Variants in CCDC136 observed in about 807,000 individuals in gnomAD.
CCDC136 encodes coiled-coil domain-containing protein 136.
A neutral mutation model predicts 141.2 loss-of-function variants in CCDC136; 100 were observed. The observed-to-expected ratio is 0.71, with a 90% confidence interval of 0.60 to 0.84. The LOEUF (loss-of-function observed/expected upper bound fraction) is 0.84. Ranked by LOEUF, CCDC136 falls within the 40% of genes least tolerant of loss-of-function variation. CCDC136 has a pLI of 0.00. For missense variants in CCDC136, 1,206 were observed against 1,379.4 expected (o/e 0.87, Z 1.99); for synonymous variants, 474 against 531.9 (o/e 0.89, Z 1.50).
rs772886060 is a variant in CCDC136, at chr7:128,815,687, AAG to A, written c.3122_3123del (p.Glu1041GlyfsTer20). 123 of 1,555,846 alleles carry A rather than the reference AAG, an allele frequency of 7.9e-5. 1 individual carries two copies. The highest frequency in any genetic ancestry group is 4.2e-5 in the Non-Finnish European group (48 of 1,149,410). ...GGACTAGCAAAAGAGGAGGAAAAGA[AAG>A]AGGAGATGGAGGAGGAAAAAAAGCA... On this transcript the variant is annotated frameshift_variant, in exon 16 of 18. Transcript: ENST00000297788. LOFTEE classifies it high-confidence loss of function.
At position 128,821,997 on chromosome 7, in the gene CCDC136, A is replaced by T; in HGVS notation, c.*204A>T. ...GACACACTGTGCCAGAACCCTCCCC[A>T]TATGTTCCATGTGTCCCCATCTCCT... is the stretch of plus-strand genomic sequence containing the variant. On this transcript the variant is annotated 3_prime_UTR_variant, in exon 18 of 18. Coordinates refer to ENST00000297788, the MANE Select transcript of CCDC136 (RefSeq NM_022742.5). The surrounding 1 kb of genome is among the most constrained non-coding windows in gnomAD (Gnocchi z 5.1). 5.5e-6 allele frequency: 7 copies of T among 1,264,988 alleles called. No individual in the cohort carries two copies. The highest frequency in any genetic ancestry group is 2.6e-5 in the South Asian group (2 of 78,420). 78.4% of individuals were successfully genotyped at this position (1,264,988 alleles called of 1,614,324 possible). A position where few individuals can be genotyped will look rare whatever the true frequency, so the allele number is the denominator to read the frequency against.
intron 16 of CCDC136, 28 bp downstream of exon 16, chr7:128,815,959 T>C: frequency 6.3e-7 from 1 of 1,586,262 alleles, no homozygotes; most frequent in Middle Eastern, 1.7e-4. Context: ...CTAGATCAAG[T>C]GGGAAGTGGG....
chr7:128,818,876 C>G (rs1468933064), intron 17 of CCDC136, among the ~76,000 whole-genome samples: 1 of 152,198 alleles, frequency 6.6e-6, no homozygotes, highest in Non-Finnish European at 1.5e-5. Flanking sequence ...TCCCCCTCCA[C>G]TCCCCTCTCT....
At chr7:128,796,834 C>G (rs1465051917) in intron 3 of CCDC136, among the ~76,000 whole-genome samples, 2 of 145,420 alleles carry the variant, frequency 1.4e-5, no homozygotes, top group Admixed American at 1.4e-4. Context: ...CTCCGCCTCC[C>G]GGGTTCACGC....
chr7:128,799,662 G>A (rs1803685524), intron 3 of CCDC136, among the ~76,000 whole-genome samples: 1 of 151,982 alleles, frequency 6.6e-6, no homozygotes, highest in Non-Finnish European at 1.5e-5. Flanking sequence ...AGGAAGTGGA[G>A]GTACAGGCTA....
At chr7:128,807,633 A>C (rs765086936) in intron 10 of CCDC136, 88 bp downstream of exon 10, 5 of 882,964 alleles carry the variant, frequency 5.7e-6, no homozygotes, top group Non-Finnish European at 7.9e-6. Context: ...CACCCAACCC[A>C]AGGGCTTGAT....
chr7:128,806,853 G>T lies in CCDC136; in HGVS notation c.1414G>T (p.Glu472Ter). 6.2e-7 allele frequency: 1 copy of T among 1,602,064 alleles called. No homozygotes were observed. Among genetic ancestry groups the T allele is most frequent in the South Asian group, 1.1e-5 (1 of 90,040 alleles). The change falls in exon 9 of 18, where the codon GAG (glutamate) becomes TAG (stop). Residue 472 changes from glutamate (E) to a stop codon, truncating the protein, a stop_gained. Transcript: ENST00000297788. LOFTEE classifies it high-confidence loss of function. ...GGTGGCCTCCTTCAAAGAGAGCAAT[G>T]AGAAGGTAAAAGAAGCTCCTGGTGA... The part of the protein sequence containing the change: ...DTVASFKESN[E>*]KDTETHAQLQ...
At position 128,809,606 on chromosome 7, in the gene CCDC136, C is replaced by G. The variant is rs771026406; in HGVS notation, c.1762C>G (p.Leu588Val). 21 of 1,557,920 alleles carry G rather than the reference C, an allele frequency of 1.3e-5. No homozygotes were observed. Among genetic ancestry groups the G allele is most frequent in the Non-Finnish European group, 1.8e-5 (21 of 1,151,752 alleles). The change falls in exon 11 of 18, where the codon CTC (leucine) becomes GTC (valine). Residue 588 changes from leucine (L) to valine (V), a missense_variant. Coordinates refer to ENST00000297788, the MANE Select transcript of CCDC136 (RefSeq NM_022742.5). ...QGQLQEELHR[L>V]TLPLPKSGLL... is the part of the protein sequence containing the mutation. ...CCAGCTGCAGGAAGAGCTGCACAGG[C>G]TCACACTGCCACTGCCAAAGAGTGG...
chr7:128,803,649 TCAAAA>T (rs1406119247), intron 4 of CCDC136, among the ~76,000 whole-genome samples: 4 of 152,022 alleles, frequency 2.6e-5, no homozygotes, highest in Non-Finnish European at 2.9e-5. Flanking sequence ...TAAGACTATC[TCAAAA>T]CAAAACAAAA....
Position 128,799,893 on chromosome 7 carries a change from A to G in CCDC136, c.347-1293A>G, listed in dbSNP as rs1268232422. On this transcript the variant is annotated intron_variant, in intron 3 of 17. Coordinates refer to ENST00000297788, the MANE Select transcript of CCDC136 (RefSeq NM_022742.5). ...TGATCCCAGATGGGTACATGTGTCT[A>G]GAAACTCTGAGATGCTCCATAGATA... Among the ~76,000 whole-genome samples, 5 of 152,220 alleles carry G rather than the reference A, an allele frequency of 3.3e-5. No individual in the cohort carries two copies. In the East Asian group the frequency reaches 9.6e-4, roughly 29 times the overall value.
intron 3 of CCDC136, 131 bp from the exon 4 acceptor site, chr7:128,801,055 C>T: frequency 6.3e-6 from 4 of 635,128 alleles, no homozygotes; most frequent in Non-Finnish European, 1.1e-5. Flanking sequence ...CTACACTTCT[C>T]TGATGGGGTA....
chr7:128,801,111 T>C (rs1803950358), intron 3 of CCDC136, 75 bp from the exon 4 acceptor site: 1 of 1,088,606 alleles, frequency 9.2e-7, no homozygotes, highest in African/African-American at 1.6e-5. Context: ...AAGTCTCCCT[T>C]TAATTTTGTG....
chr7:128,797,454 TAGA>T (rs1803208526), intron 3 of CCDC136, among the ~76,000 whole-genome samples: 1 of 152,104 alleles, frequency 6.6e-6, no homozygotes, highest in Non-Finnish European at 1.5e-5. Flanking sequence ...AGGTCCAGTA[TAGA>T]AGGAGAAATG....
At chr7:128,811,722 CA>C in intron 12 of CCDC136, 77 bp from the exon 13 acceptor site, 1 of 1,340,264 alleles carries the variant, frequency 7.5e-7, no homozygotes, top group East Asian at 2.3e-5. Flanking sequence ...TGCTCTCAGA[CA>C]TCTGTACCAG....
At chr7:128,792,463 C>A in intron 1 of CCDC136, 36 bp downstream of exon 1, 1 of 1,516,818 alleles carries the variant, frequency 6.6e-7, no homozygotes, top group Non-Finnish European at 9.0e-7. Flanking sequence ...CTTTCCCCTC[C>A]CCTCCTCCCT....
rs200228896 is a variant in CCDC136, at chr7:128,805,930, G to T, written c.1089+29G>T. On this transcript the variant is annotated intron_variant, in intron 7 of 17. Coordinates refer to ENST00000297788, the MANE Select transcript of CCDC136 (RefSeq NM_022742.5). This position sits in a 1 kb window ranked among gnomAD's most constrained non-coding sequence, Gnocchi z 4.6. ...AACACTGCCCGGGGAGGCATCTGGG[G>T]TGGGGGCAGAAGGGCCTCATGGAGG... 656 of 1,612,890 alleles carry T rather than the reference G, an allele frequency of 4.1e-4. 7 individuals carry two copies. The Admixed American group carries it at 0.01, about 25-fold the overall frequency.
chr7:128,815,606 C>G lies in CCDC136; in HGVS notation c.3046-8C>G, dbSNP rs773889530. 1.9e-6 allele frequency: 3 copies of G among 1,549,790 alleles called. No individual in the cohort carries two copies. The highest frequency in any genetic ancestry group is 2.6e-6 in the Non-Finnish European group (3 of 1,146,190). ...CAGCCGCCATCCTGCCCTACTCCCA[C>G]CCCACAGAGTCTGGAGGTAGTGCTG... On this transcript the variant is annotated splice_polypyrimidine_tract_variant and splice_region_variant and intron_variant, in intron 15 of 17. Transcript: ENST00000297788.
At position 128,812,752 on chromosome 7, in the gene CCDC136, G is replaced by C. The variant is rs772873471; in HGVS notation, c.2586G>C (p.Ala862=). ...TGAAAGTGCTGATCAAGCTGCAGGC[G>C]GTGCAGGCCATGTACCAGATAAGCC... ...MVVKVLIKLQ[A]VQAMYQISQE... is the part of the protein sequence containing the mutation. Residue 862 remains alanine, a synonymous_variant, in exon 14 of 18, where the codon GCG becomes GCC. Coordinates refer to ENST00000297788, the MANE Select transcript of CCDC136 (RefSeq NM_022742.5). 1.2e-6 allele frequency: 2 copies of C among 1,613,334 alleles called. No homozygotes were observed. Among genetic ancestry groups the C allele is most frequent in the African/African-American group, 2.7e-5 (2 of 74,722 alleles).
chr7:128,817,955 G>A lies in CCDC136; in HGVS notation c.*5+91G>A. 5.2e-6 allele frequency: 5 copies of A among 954,470 alleles called. No individual in the cohort carries two copies. In the South Asian group the frequency reaches 5.9e-5, roughly 11 times the overall value. The allele number at this position is 954,470 out of a possible 1,614,324, so 59.1% of individuals were successfully genotyped here. On this transcript the variant is annotated intron_variant, in intron 17 of 17. Transcript: ENST00000297788. The surrounding 1 kb of genome is among the most constrained non-coding windows in gnomAD (Gnocchi z 4.6). ...TCTTTCCCTTTTCTCCCAGCTGCTT[G>A]CTTCTTGCTTGTGCCATTTTATAAT...
Sources: gnomAD v4.1 joint callset for allele counts (sites outside exome capture counted in the v4.1 genomes callset) on GRCh38, gnomAD v4.1.1 for gene constraint, Gnocchi (gnomAD v3.1) non-coding constraint, MANE v1.5 for transcripts, NCBI Gene and HGNC (gene_info 2026-07-23, HGNC 2026-07-21) for gene names.